The following MAN2A1 variants were observed in gnomAD, a reference collection of about 807,000 sequenced individuals.
MAN2A1 encodes mannosidase alpha class 2A member 1, also known as alpha-mannosidase 2.
A neutral mutation model predicts 142.6 loss-of-function variants in MAN2A1; 76 were observed. The observed-to-expected ratio is 0.53, with a 90% CI of 0.44 to 0.65. The LOEUF (loss-of-function observed/expected upper bound fraction) is 0.65, where lower values mean the gene tolerates loss of function less well. Among genes scored for constraint, MAN2A1 ranks in the 30% least tolerant of loss-of-function variants. The pLI is 0.00. For missense variants in MAN2A1, 1,311 were observed against 1,365.1 expected, an observed-to-expected ratio of 0.96 and a Z score of 0.62; for synonymous variants, 559 against 473.2, an observed-to-expected ratio of 1.18 and a Z score of -2.35.
chr5:109,840,504 C>T (rs989194845), intron 16 of MAN2A1: 5 of 493,882 alleles, frequency 1.0e-5, no homozygotes, highest in African/African-American at 8.0e-5. Flanking sequence ...GGTGGAATAC[C>T]ATCTCCTGCC....
intron 5 of MAN2A1, 40 bp downstream of exon 5, chr5:109,755,496 A>G (rs748582117): frequency 7.5e-5 from 117 of 1,550,494 alleles, no homozygotes; most frequent in Non-Finnish European, 9.6e-5. Context: ...TATTTTGGAC[A>G]GTTAATTTTC....
At chr5:109,834,820 G>A (rs1755018321) in intron 16 of MAN2A1, among the ~76,000 whole-genome samples, 1 of 152,050 alleles carries the variant, frequency 6.6e-6, no homozygotes, top group Admixed American at 6.5e-5. Context: ...TAATCAATAT[G>A]AACATTTACA....
At chr5:109,823,915 A>G (rs1754694684) in intron 16 of MAN2A1, 78 bp downstream of exon 16, 1 of 658,826 alleles carries the variant, frequency 1.5e-6, no homozygotes, top group East Asian at 3.0e-5. Context: ...CCATTCTTAA[A>G]TTAACAGTTG....
Position 109,722,323 on chromosome 5 carries a change from A to G in MAN2A1, c.535+6059A>G, listed in dbSNP as rs754974724. ...GAATGTCTCTGTCCCTAAATACTAT[A>G]TTAGTACATGAGATAGTGAGTGATT... On this transcript the variant is annotated intron_variant, in intron 3 of 21. Transcript: ENST00000261483. Among the ~76,000 whole-genome samples, 5 of 152,286 alleles carry G rather than the reference A, an allele frequency of 3.3e-5. No homozygotes were observed. The South Asian group carries it at 6.2e-4, about 19-fold the overall frequency.
In MAN2A1 at chr5:109,867,820, A is replaced by G. The variant is rs558845524; in HGVS notation, c.*822A>G. 4 of 152,302 alleles carry G rather than the reference A, an allele frequency of 2.6e-5. No individual in the cohort carries two copies. The South Asian group carries it at 8.3e-4, about 32-fold the overall frequency. The allele number at this position is 152,302 out of a possible 1,614,324, so 9.4% of individuals were successfully genotyped here. A position where few individuals can be genotyped will look rare whatever the true frequency, so the allele number is the denominator to read the frequency against. ...GGGGTTTCTATTTTAAAATTACCAT[A>G]TCAAAATAAATGTGCCTTATTTTTT... is the stretch of plus-strand genomic sequence containing the variant. On this transcript the variant is annotated 3_prime_UTR_variant, in exon 22 of 22. Coordinates refer to ENST00000261483, the MANE Select transcript of MAN2A1 (RefSeq NM_002372.4).
chr5:109,754,017 T>A (rs2112625422), intron 4 of MAN2A1, among the ~76,000 whole-genome samples: 1 of 151,780 alleles, frequency 6.6e-6, no homozygotes, highest in African/African-American at 2.4e-5. Context: ...CAAGCAATCC[T>A]CCCACCTCAG....
At position 109,774,858 on chromosome 5, in the gene MAN2A1, C is replaced by G; in HGVS notation, c.1267C>G (p.Leu423Val). Residue 423 changes from leucine (L) to valine (V), a missense_variant, in exon 8 of 22, where the codon CTA becomes GTA. Leu to Val is a conservative substitution (Grantham distance 32). This residue lies in a region of MAN2A1 where 890 missense variants were observed against 920.5 expected (regional missense o/e 0.97). Transcript: ENST00000261483. ...TCGTACCAAAGTTCTCCTGGCTCCA[C>G]TAGGAGATGATTTCCGCTACTGTGA... ...LFRTKVLLAP[L>V]GDDFRYCEYT... is the part of the protein sequence containing the mutation. The G allele has an allele frequency of 6.2e-7, 1 of 1,612,644 alleles. No homozygotes were observed. The highest frequency in any genetic ancestry group is 8.5e-7 in the Non-Finnish European group (1 of 1,179,352).
At chr5:109,710,395 A>G (rs1278540687) in intron 1 of MAN2A1, among the ~76,000 whole-genome samples, 1 of 152,244 alleles carries the variant, frequency 6.6e-6, no homozygotes, top group Non-Finnish European at 1.5e-5. Context: ...TTTGCTGTGT[A>G]TATGGCTCTA....
chr5:109,829,443 A>T (rs1351248179), intron 16 of MAN2A1, among the ~76,000 whole-genome samples: 2 of 152,192 alleles, frequency 1.3e-5, no homozygotes, highest in Non-Finnish European at 2.9e-5. Flanking sequence ...TAACAAGCAG[A>T]TATTACTGTT....
At chr5:109,857,843 C>T (rs751582715) in intron 20 of MAN2A1, among the ~76,000 whole-genome samples, 3 of 152,168 alleles carry the variant, frequency 2.0e-5, no homozygotes, top group South Asian at 4.1e-4. Context: ...CGTTGCTCTT[C>T]GTGCCTTTGG....
At chr5:109,789,838 G>C (rs1409310383) in intron 12 of MAN2A1, among the ~76,000 whole-genome samples, 1 of 151,572 alleles carries the variant, frequency 6.6e-6, no homozygotes, top group Non-Finnish European at 1.5e-5. Flanking sequence ...ATCCTTTCTT[G>C]ATTAACCTTT....
chr5:109,817,520 CA>C, intron 13 of MAN2A1, 82 bp downstream of exon 13: 2 of 1,330,518 alleles, frequency 1.5e-6, no homozygotes, highest in South Asian at 1.4e-5. Flanking sequence ...CAGTAGCCCC[CA>C]TTTAGCCATC....
chr5:109,819,285 CT>C (rs1361198286), intron 13 of MAN2A1, among the ~76,000 whole-genome samples: 1 of 152,094 alleles, frequency 6.6e-6, no homozygotes, highest in Non-Finnish European at 1.5e-5. Context: ...ACCTTTTTGA[CT>C]TACGATATTT....
chr5:109,774,441 T>C (rs1477952115), intron 7 of MAN2A1, among the ~76,000 whole-genome samples: 1 of 152,124 alleles, frequency 6.6e-6, no homozygotes, highest in Non-Finnish European at 1.5e-5. Context: ...GGCTATCTGG[T>C]ATTCAATCTC....
At chr5:109,737,939 A>G (rs545479163) in intron 4 of MAN2A1, among the ~76,000 whole-genome samples, 52 of 152,178 alleles carry the variant, frequency 3.4e-4, no homozygotes, top group South Asian at 8.3e-4. Context: ...GCAGATGTGG[A>G]TGACTGTGGC....
rs867466828 is a variant in MAN2A1, at chr5:109,835,772, G to T, written c.2567-6556G>T. ...GTTTATGAGTATATTCCTTGGAAAA[G>T]TATACTTTGCATTTCAAAATAGCTA... On this transcript the variant is annotated intron_variant, in intron 16 of 21. Transcript: ENST00000261483. 1.9e-4 allele frequency among the ~76,000 whole-genome samples: 29 copies of T among 152,276 alleles called. No individual in the cohort carries two copies. The Middle Eastern group carries it at 0.014, about 71-fold the overall frequency.
At chr5:109,775,423 A>ATT (rs978069314) in intron 8 of MAN2A1, among the ~76,000 whole-genome samples, 2 of 151,200 alleles carry the variant, frequency 1.3e-5, no homozygotes, top group African/African-American at 2.4e-5. Flanking sequence ...ATACACTAAC[A>ATT]TTTTTTTTTA....
chr5:109,749,488 T>G (rs1752491786), intron 4 of MAN2A1, among the ~76,000 whole-genome samples: 2 of 152,170 alleles, frequency 1.3e-5, no homozygotes, highest in African/African-American at 2.4e-5. Flanking sequence ...CAACTCAGTG[T>G]AAAAAGTGAA....
chr5:109,701,193 G>T (rs1750971957), intron 1 of MAN2A1, among the ~76,000 whole-genome samples: 2 of 152,120 alleles, frequency 1.3e-5, no homozygotes, highest in Non-Finnish European at 2.9e-5. Flanking sequence ...GCCTTAAAGA[G>T]AACTCAAAAA....
Sources: allele counts gnomAD v4.1 joint callset (sites outside exome capture counted in the v4.1 genomes callset), GRCh38; gene constraint gnomAD v4.1.1; regional missense constraint gnomAD v4.1.1; transcripts MANE v1.5; gene names NCBI Gene and HGNC (gene_info 2026-07-23, HGNC 2026-07-21).